Variants in CDH18 observed in about 807,000 individuals in gnomAD.
CDH18 encodes the protein cadherin-18.
Under a neutral mutation model 67.9 loss-of-function variants are expected in CDH18, and 31 were observed. That is an observed-to-expected ratio of 0.46 (90% CI 0.34 to 0.62). The LOEUF (loss-of-function observed/expected upper bound fraction) is 0.62. Among genes scored for constraint, CDH18 ranks in the 20% least tolerant of loss-of-function variants. CDH18 has a pLI of 0.01. For missense variants in CDH18, 890 were observed against 975.5 expected, an observed-to-expected ratio of 0.91 and a Z score of 1.17; for synonymous variants, 362 against 347.2, an observed-to-expected ratio of 1.04 and a Z score of -0.48.
At chr5:20,033,649 T>C (rs926267132) in intron 2 of CDH18, among the ~76,000 whole-genome samples, 1 of 152,060 alleles carries the variant, frequency 6.6e-6, no homozygotes, top group Non-Finnish European at 1.5e-5. Context: ...AAAGAGACTA[T>C]TTTAAAAATA....
chr5:19,966,288 C>A (rs1797431755), intron 2 of CDH18, among the ~76,000 whole-genome samples: 1 of 152,218 alleles, frequency 6.6e-6, no homozygotes, highest in Non-Finnish European at 1.5e-5. Flanking sequence ...CAATAATGCT[C>A]TTGCTCAGAG....
chr5:20,107,241 C>T (rs903213382), intron 2 of CDH18, among the ~76,000 whole-genome samples: 3 of 151,984 alleles, frequency 2.0e-5, no homozygotes, highest in African/African-American at 7.2e-5. Context: ...CCATCACGCC[C>T]GGCTATTTTT....
chr5:20,021,751 T>C lies in CDH18; in HGVS notation c.-517-29737A>G, dbSNP rs1264139840. ...GAAACTGTGAGTCAATTAAAACTCT[T>C]TTCTTTATAAATTACCAACTCTCAG... On this transcript the variant is annotated intron_variant, in intron 2 of 14. Coordinates refer to the CDH18 transcript ENST00000507958. 2.0e-5 allele frequency among the ~76,000 whole-genome samples: 3 copies of C among 152,196 alleles called. No individual in the cohort carries two copies. The East Asian group carries it at 5.8e-4, about 29-fold the overall frequency.
At chr5:20,411,605 T>C (rs1328036999) in intron 1 of CDH18, among the ~76,000 whole-genome samples, 1 of 151,256 alleles carries the variant, frequency 6.6e-6, no homozygotes, top group Non-Finnish European at 1.5e-5. Context: ...TAAACGGGAC[T>C]ACATGACACA....
At chr5:19,744,613 G>GATTT (rs1769729684) in intron 4 of CDH18, among the ~76,000 whole-genome samples, 1 of 150,910 alleles carries the variant, frequency 6.6e-6, no homozygotes, top group Non-Finnish European at 1.5e-5. Flanking sequence ...TCTCTGTTCT[G>GATTT]ATTTATTTCA....
chr5:19,880,679 TCATTCTGAAGGGCA>T (rs1410373922), intron 2 of CDH18, among the ~76,000 whole-genome samples: 1 of 152,148 alleles, frequency 6.6e-6, no homozygotes, highest in Non-Finnish European at 1.5e-5. Context: ...TTCAAGTATC[TCATTCTGAAGGGCA>T]CATTAAATAG....
chr5:19,604,014 T>C (rs542097379), intron 6 of CDH18, among the ~76,000 whole-genome samples: 1 of 152,036 alleles, frequency 6.6e-6, no homozygotes, highest in Non-Finnish European at 1.5e-5. Flanking sequence ...CATAGTTTTG[T>C]ATGCCACATG....
chr5:19,999,928 G>T (rs539530169), intron 2 of CDH18, among the ~76,000 whole-genome samples: 47 of 152,258 alleles, frequency 3.1e-4, no homozygotes, highest in African/African-American at 1.0e-3. Context: ...CTCAAATTAT[G>T]TATTAAGTTC....
intron 2 of CDH18, among the ~76,000 whole-genome samples, chr5:20,247,484 G>A (rs766526737): frequency 6.7e-4 from 102 of 152,000 alleles, no homozygotes; most frequent in Non-Finnish European, 1.2e-3. Context: ...AATGAAAGAC[G>A]GGCTGGGCAC....
intron 1 of CDH18, among the ~76,000 whole-genome samples, chr5:20,378,909 T>C (rs572899713): frequency 6.6e-6 from 1 of 152,226 alleles, no homozygotes; most frequent in Non-Finnish European, 1.5e-5. Context: ...AAAGATATCT[T>C]ACCTTAATTT....
chr5:19,522,882 G>T, intron 9 of CDH18, among the ~76,000 whole-genome samples: 1 of 128,800 alleles, frequency 7.8e-6, no homozygotes. Flanking sequence ...GTGACAGAGT[G>T]AGACTCCTTC....
chr5:20,265,685 T>C (rs1001093629), intron 1 of CDH18, among the ~76,000 whole-genome samples: 1 of 152,208 alleles, frequency 6.6e-6, no homozygotes, highest in Non-Finnish European at 1.5e-5. Context: ...AAATATTTTA[T>C]GCCTGTACCA....
chr5:19,798,835 T>C (rs908654745), intron 3 of CDH18, among the ~76,000 whole-genome samples: 4 of 152,090 alleles, frequency 2.6e-5, no homozygotes, highest in Middle Eastern at 3.2e-3. Context: ...CATGATAACA[T>C]ATCTTTGGAA....
intron 5 of CDH18, among the ~76,000 whole-genome samples, chr5:19,677,962 T>C (rs942196647): frequency 1.4e-4 from 21 of 151,976 alleles, no homozygotes; most frequent in South Asian, 6.2e-4. Flanking sequence ...ATGTTATATA[T>C]ATAAAACACA....
chr5:19,569,495 T>C (rs549774906), intron 8 of CDH18, among the ~76,000 whole-genome samples: 4 of 152,302 alleles, frequency 2.6e-5, no homozygotes, highest in African/African-American at 9.6e-5. Context: ...TGTGGAGAAT[T>C]ATGCATGATA....
At chr5:20,311,148 A>C (rs751552675) in intron 1 of CDH18, among the ~76,000 whole-genome samples, 31 of 152,314 alleles carry the variant, frequency 2.0e-4, no homozygotes, top group Admixed American at 3.9e-4. Flanking sequence ...AGGAAACAAC[A>C]GATGCTGGAG....
chr5:19,928,214 C>G (rs1793296277), intron 2 of CDH18, among the ~76,000 whole-genome samples: 1 of 152,012 alleles, frequency 6.6e-6, no homozygotes, highest in Admixed American at 6.6e-5. Context: ...TAAATTGTGC[C>G]AAAACATTTA....
intron 1 of CDH18, among the ~76,000 whole-genome samples, chr5:20,363,700 C>T (rs1742285694): frequency 7.3e-6 from 1 of 137,632 alleles, no homozygotes; most frequent in African/African-American, 2.6e-5. Flanking sequence ...TACAACAGAT[C>T]CCACTTTAGC....
At chr5:20,156,520 C>T (rs1751544825) in intron 2 of CDH18, among the ~76,000 whole-genome samples, 1 of 151,942 alleles carries the variant, frequency 6.6e-6, no homozygotes, top group South Asian at 2.1e-4. Flanking sequence ...GGGAGCTAAA[C>T]AATTGGATAC....
Sources: gnomAD v4.1 joint callset for allele counts (sites outside exome capture counted in the v4.1 genomes callset) on GRCh38, gnomAD v4.1.1 for gene constraint, MANE v1.5 for transcripts, NCBI Gene and HGNC (gene_info 2026-07-23, HGNC 2026-07-21) for gene names.